TP63: variants seen among roughly 807,000 people sequenced by gnomAD.
TP63 encodes the protein tumor protein p63.
In TP63, 17 loss-of-function variants were observed where a neutral mutation model predicts 82.8. The ratio of observed to expected loss-of-function variants is 0.21; its 90% confidence interval spans 0.14 to 0.31. The LOEUF is 0.31. Ranked by LOEUF, TP63 falls within the 10% of genes least tolerant of loss-of-function variation. TP63 has a pLI of 1.00. For synonymous variants in TP63, 330 were observed against 321.7 expected, an observed-to-expected ratio of 1.03 and a Z score of -0.28; for missense variants, 648 against 895.3, an observed-to-expected ratio of 0.72 and a Z score of 3.52.
the TP63 span, among the ~76,000 whole-genome samples, chr3:189,604,598 G>A: frequency 6.6e-6 from 1 of 152,172 alleles, no homozygotes; most frequent in Non-Finnish European, 1.5e-5. Context: ...TTGGTTAAAA[G>A]TATTGTGGAA....
At chr3:189,768,715 A>C (rs2108552338) in intron 3 of TP63, among the ~76,000 whole-genome samples, 1 of 152,272 alleles carries the variant, frequency 6.6e-6, no homozygotes, top group East Asian at 1.9e-4. Context: ...AGTTGACTTA[A>C]TATTAGGTTG....
chr3:189,855,663 C>A (rs1375557937), intron 4 of TP63, among the ~76,000 whole-genome samples: 2 of 151,304 alleles, frequency 1.3e-5, no homozygotes, highest in Admixed American at 6.6e-5. Flanking sequence ...AAAAGAATAC[C>A]GTCTTTGTAT....
intron 1 of TP63, among the ~76,000 whole-genome samples, chr3:189,634,339 CT>C (rs1729637845): frequency 6.6e-6 from 1 of 151,268 alleles, no homozygotes; most frequent in South Asian, 2.1e-4. Context: ...TATGAATTCC[CT>C]TACAGAATAG....
intron 10 of TP63, among the ~76,000 whole-genome samples, chr3:189,877,147 G>T (rs1248505139): frequency 6.6e-6 from 1 of 152,146 alleles, no homozygotes; most frequent in African/African-American, 2.4e-5. Context: ...TTACAGAGCT[G>T]CTGTGAATCA....
At chr3:189,764,888 GAGC>G (rs1722825183) in intron 3 of TP63, among the ~76,000 whole-genome samples, 1 of 152,194 alleles carries the variant, frequency 6.6e-6, no homozygotes, top group Non-Finnish European at 1.5e-5. Context: ...TCCTGGAATG[GAGC>G]GCACTTTGTT....
At chr3:189,742,286 A>G (rs1368660623) in intron 3 of TP63, among the ~76,000 whole-genome samples, 2 of 147,452 alleles carry the variant, frequency 1.4e-5, no homozygotes, top group Non-Finnish European at 3.0e-5. Context: ...TTTATATCCC[A>G]TCTTTGTATT....
chr3:189,863,079 G>A (rs1196607358), intron 4 of TP63, among the ~76,000 whole-genome samples: 4 of 152,144 alleles, frequency 2.6e-5, no homozygotes, highest in East Asian at 3.9e-4. Context: ...AGTTAGGGTG[G>A]GACATATCAG....
intron 1 of TP63, chr3:189,645,311 G>A (rs1712313666): frequency 2.0e-6 from 1 of 499,642 alleles, no homozygotes; most frequent in Non-Finnish European, 3.8e-6. Flanking sequence ...GCCCTTCTTT[G>A]GTTCCTTTTC....
chr3:189,712,853 A>T (rs986561812), intron 1 of TP63, among the ~76,000 whole-genome samples: 1 of 152,188 alleles, frequency 6.6e-6, no homozygotes, highest in Non-Finnish European at 1.5e-5. Context: ...AGATGAGTTT[A>T]AGCTCAGATC....
intron 3 of TP63, among the ~76,000 whole-genome samples, chr3:189,765,686 GC>G (rs1722910381): frequency 1.3e-5 from 2 of 151,600 alleles, no homozygotes; most frequent in African/African-American, 2.4e-5. Flanking sequence ...GCCCACCTCG[GC>G]CTCCCAAAGT....
chr3:189,761,123 G>A (rs895255842), intron 3 of TP63, among the ~76,000 whole-genome samples: 1 of 152,168 alleles, frequency 6.6e-6, no homozygotes, highest in Admixed American at 6.5e-5. Flanking sequence ...ATAGGTCTCT[G>A]ACATTCCCTG....
At chr3:189,649,121 A>G (rs1399851460) in intron 1 of TP63, among the ~76,000 whole-genome samples, 2 of 147,244 alleles carry the variant, frequency 1.4e-5, no homozygotes, top group African/African-American at 5.1e-5. Flanking sequence ...CCATAAATGA[A>G]CACATGATAT....
chr3:189,877,359 G>C (rs1431276710), intron 10 of TP63, among the ~76,000 whole-genome samples: 1 of 152,142 alleles, frequency 6.6e-6, no homozygotes, highest in East Asian at 1.9e-4. Flanking sequence ...GAAGCCTCTT[G>C]AGACCTATTT....
At chr3:189,727,208 C>T (rs929929140) in intron 1 of TP63, among the ~76,000 whole-genome samples, 2 of 152,198 alleles carry the variant, frequency 1.3e-5, no homozygotes, top group Non-Finnish European at 2.9e-5. Flanking sequence ...ACATGTATGT[C>T]AGTATGTATA....
the TP63 span, among the ~76,000 whole-genome samples, chr3:189,624,445 C>T: frequency 3.3e-5 from 5 of 152,064 alleles, no homozygotes; most frequent in Non-Finnish European, 1.5e-5. Context: ...GTCAATATAG[C>T]CTTTAAGAAG....
chr3:189,780,627 C>T (rs1724156819), intron 3 of TP63, among the ~76,000 whole-genome samples: 1 of 152,132 alleles, frequency 6.6e-6, no homozygotes, highest in Admixed American at 6.5e-5. Flanking sequence ...GGACCAAGAT[C>T]TCCTACACCC....
rs5855274 is a variant in TP63 at position 189,839,040 on chromosome 3, TAAAAAAAA to T, written c.580-25175_580-25168del. 9.6e-3 allele frequency among the ~76,000 whole-genome samples: 854 copies of T among 88,600 alleles called. 10 individuals carry two copies. The highest frequency in any genetic ancestry group is 0.038 in the African/African-American group (801 of 20,850). 58.1% of individuals were successfully genotyped at this position (88,600 alleles called of 152,430 possible). ...CTAAAAAGCAACTAGTATCCTAAGC[TAAAAAAAA>T]AAAAAAAAAAAAAAAAGAAAAAGAA... On this transcript the variant is annotated intron_variant, in intron 4 of 13. Transcript: ENST00000264731.
At chr3:189,893,182 TAG>T (rs975906741) in intron 13 of TP63, among the ~76,000 whole-genome samples, 95 of 152,356 alleles carry the variant, frequency 6.2e-4, no homozygotes, top group African/African-American at 2.3e-3. Flanking sequence ...TTAATATTTA[TAG>T]AGTGTGTTGT....
At chr3:189,678,589 AT>A (rs1715646512) in intron 1 of TP63, among the ~76,000 whole-genome samples, 1 of 151,958 alleles carries the variant, frequency 6.6e-6, no homozygotes, top group African/African-American at 2.4e-5. Context: ...TTTCATATAA[AT>A]TTCGGGTTTG....
Sources: allele counts gnomAD v4.1 joint callset (sites outside exome capture counted in the v4.1 genomes callset), GRCh38; gene constraint gnomAD v4.1.1; transcripts MANE v1.5; gene names NCBI Gene and HGNC (gene_info 2026-07-23, HGNC 2026-07-21).